Variants in DUOX2 observed in about 807,000 individuals in gnomAD.
The protein encoded by DUOX2 is dual oxidase 2.
DUOX2 carries 185 observed loss-of-function variants against 183.3 expected under a neutral mutation model. The observed-to-expected ratio is 1.01, with a 90% CI of 0.90 to 1.14. DUOX2 has a LOEUF of 1.14. Among genes scored for constraint, DUOX2 ranks in the 50% most tolerant of loss-of-function variants. The probability of loss-of-function intolerance (pLI) is 0.00; values close to 1 mark genes in which losing one functional copy is unlikely to be tolerated. For synonymous variants in DUOX2, 788 were observed against 812.4 expected (o/e 0.97, Z 0.51); for missense variants, 1,999 against 2,022.9 (o/e 0.99, Z 0.23).
At chr15:45,106,734 T>C (rs2141151831) in intron 15 of DUOX2, 93 bp from the exon 16 acceptor site, 1 of 1,609,552 alleles carries the variant, frequency 6.2e-7, no homozygotes, top group East Asian at 2.2e-5. Context: ...CAGAGGTTCC[T>C]TGAGCCTGGT....
In DUOX2 at chr15:45,108,327, G is replaced by C. The variant is rs558199506; in HGVS notation, c.1399-105C>G. ...GAACCTCAGCCGCTGCCTGGCTGCTGCTCAGGCCTGATTTCCTCTTCTTAG... is the reference window on the plus strand; with the variant it reads ...GAACCTCAGCCGCTGCCTGGCTGCTCCTCAGGCCTGATTTCCTCTTCTTAG... On this transcript the variant is annotated intron_variant, in intron 12 of 33. Coordinates refer to ENST00000389039, the MANE Select transcript of DUOX2 (RefSeq NM_001363711.2). The C allele has an allele frequency of 1.8e-5, 24 of 1,350,140 alleles. No homozygotes were observed. The African/African-American group carries it at 2.6e-4, about 14-fold the overall frequency. The allele number at this position is 1,350,140 out of a possible 1,614,324, so 83.6% of individuals were successfully genotyped here.
chr15:45,099,562 G>T, intron 25 of DUOX2, 80 bp from the exon 26 acceptor site: 1 of 1,580,330 alleles, frequency 6.3e-7, no homozygotes, highest in Non-Finnish European at 8.7e-7. Context: ...GAGGCATAGG[G>T]AGGAGAGATG....
intron 13 of DUOX2, among the ~76,000 whole-genome samples, 174 bp downstream of exon 13, chr15:45,107,871 AAG>A (rs1894264842): frequency 9.4e-5 from 1 of 10,644 alleles, no homozygotes; most frequent in African/African-American, 2.8e-4. Flanking sequence ...AAAAAAAAAA[AAG>A]AAAAAGAAAA....
chr15:45,112,704 G>C lies in DUOX2; in HGVS notation c.175C>G (p.Arg59Gly), dbSNP rs774578957. Residue 59 changes from arginine to glycine, a missense_variant, in exon 4 of 34, where the codon CGC becomes GGC. Arg to Gly is a moderately radical substitution (Grantham distance 125). Around this residue, in one of 3 missense-constraint regions of DUOX2, gnomAD observed 356 missense variants for 356.4 expected, o/e 1.00. Transcript: ENST00000389039. ...TCGGCGTAATTGGCTGGTACGCGGC[G>C]CTGCAACCGGCAGCCTGCGGAGGCA... ...ERGAVGCRLQ[R>G]RVPANYADGV... 34 of 1,611,682 alleles carry C rather than the reference G, an allele frequency of 2.1e-5. No individual in the cohort carries two copies. Among genetic ancestry groups the C allele is most frequent in the Non-Finnish European group, 2.8e-5 (33 of 1,179,882 alleles).
At chr15:45,101,103 A>G in intron 22 of DUOX2, 102 bp downstream of exon 22, 1 of 1,096,284 alleles carries the variant, frequency 9.1e-7, no homozygotes, top group Non-Finnish European at 1.4e-6. Context: ...TCAAAGGGCA[A>G]ATGCCTGATT....
In DUOX2 at chr15:45,104,274, G is replaced by T. The variant is rs763957492; in HGVS notation, c.2426C>A (p.Ala809Asp). The T allele has an allele frequency of 1.2e-5, 20 of 1,614,096 alleles. No individual in the cohort carries two copies. The highest frequency in any genetic ancestry group is 1.5e-5 in the Non-Finnish European group (18 of 1,180,000). Residue 809 changes from alanine (A) to aspartate (D), a missense_variant, in exon 19 of 34, where the codon GCC (alanine) becomes GAC (aspartate). Ala to Asp is a moderately radical substitution (Grantham distance 126). This residue lies in a region of DUOX2 where 1,628 missense variants were observed against 1,608.6 expected (regional missense o/e 1.01). Transcript: ENST00000389039. ...GAGGCCCAGGGACTCGGCAAACTCG[G>T]CCCTGCTCAGCTCGCAGGTCAGGGC... ...REALTCELSR[A>D]EFAESLGLKP...
In DUOX2 at chr15:45,099,742, G is replaced by A; in HGVS notation, c.3335C>T (p.Thr1112Ile). Reference sequence around the variant, plus strand: ...AAAAGGCACATAGCGGTTGAGGAAAGTCTCTCGCAGGAAGGTTATGAGGTT... The same window carrying A: ...AAAAGGCACATAGCGGTTGAGGAAAATCTCTCGCAGGAAGGTTATGAGGTT... ...CRNLITFLRE[T>I]FLNRYVPFDA... Residue 1112 changes from threonine to isoleucine, a missense_variant, in exon 25 of 34, where the codon ACT becomes ATT. Thr to Ile is a moderately conservative substitution (Grantham distance 89). This residue lies in a region of DUOX2 where 1,628 missense variants were observed against 1,608.6 expected (regional missense o/e 1.01). Transcript: ENST00000389039. The A allele has an allele frequency of 1.2e-6, 2 of 1,614,222 alleles. No individual in the cohort carries two copies. Among genetic ancestry groups the A allele is most frequent in the Non-Finnish European group, 1.7e-6 (2 of 1,180,042 alleles).
At position 45,109,934 on chromosome 15, in the gene DUOX2, T is replaced by C. The variant is rs1311288291; in HGVS notation, c.1087A>G (p.Ser363Gly). ...FRKVLNKGFQ[S>G]SQALRVCNNY... The stretch of plus-strand genomic sequence containing the variant: ...TTGCAGACCCTGAGAGCTTGGGAGC[T>C]TTGAAAACCCTTGTTCAGGACCTTC... Residue 363 changes from serine to glycine, a missense_variant, in exon 10 of 34, where the codon AGC (serine) becomes GGC (glycine). By Grantham distance (56) the Ser-to-Gly change is moderately conservative. Transcript: ENST00000389039. 1.9e-6 allele frequency: 3 copies of C among 1,614,112 alleles called. No homozygotes were observed. Among genetic ancestry groups the C allele is most frequent in the East Asian group, 2.2e-5 (1 of 44,886 alleles).
Position 45,106,108 on chromosome 15 carries a change from G to A in DUOX2, c.2148+17C>T, listed in dbSNP as rs752810786. On this transcript the variant is annotated intron_variant, in intron 17 of 33. Coordinates refer to ENST00000389039, the MANE Select transcript of DUOX2 (RefSeq NM_001363711.2). Reference sequence around the variant, plus strand: ...GTGTGAGGGCAGCCCAGGCTGGGGAGGCAGGACGAGCCATACCAGGTCATA... The same window carrying A: ...GTGTGAGGGCAGCCCAGGCTGGGGAAGCAGGACGAGCCATACCAGGTCATA... 6.8e-6 allele frequency: 11 copies of A among 1,613,850 alleles called. No individual in the cohort carries two copies. Among genetic ancestry groups the A allele is most frequent in the Admixed American group, 1.7e-5 (1 of 59,990 alleles).
chr15:45,112,855 C>A (rs969951596), intron 3 of DUOX2, 132 bp downstream of exon 3: 4 of 1,542,764 alleles, frequency 2.6e-6, no homozygotes, highest in East Asian at 2.3e-5. Context: ...GCCCCGGGAG[C>A]GCATAAGATT....
At chr15:45,105,289 T>G (rs1894181963) in intron 18 of DUOX2, among the ~76,000 whole-genome samples, 2 of 152,194 alleles carry the variant, frequency 1.3e-5, no homozygotes, top group African/African-American at 4.8e-5. Flanking sequence ...TCTAACTGGG[T>G]AGGTGCATTT....
chr15:45,100,188 G>A lies in DUOX2; in HGVS notation c.3046C>T (p.Gln1016Ter). The A allele has an allele frequency of 6.2e-7, 1 of 1,614,082 alleles. No homozygotes were observed. The highest frequency in any genetic ancestry group is 8.5e-7 in the Non-Finnish European group (1 of 1,180,018). ...PTPRLYTEAL[Q>*]EKMQRGFLAQ... Reference sequence around the variant, plus strand: ...AGGAAGCCTCGCTGCATCTTCTCTTGCAGCGCCTCTGTGTACAGCCGGGGA... The same window carrying A: ...AGGAAGCCTCGCTGCATCTTCTCTTACAGCGCCTCTGTGTACAGCCGGGGA... Residue 1016 changes from glutamine to a stop codon, truncating the protein, a stop_gained, in exon 24 of 34, where the codon CAA becomes TAA. Coordinates refer to ENST00000389039, the MANE Select transcript of DUOX2 (RefSeq NM_001363711.2). LOFTEE classifies it high-confidence loss of function.
chr15:45,096,160 G>T, intron 29 of DUOX2, 100 bp from the exon 30 acceptor site: 1 of 1,043,242 alleles, frequency 9.6e-7, no homozygotes, highest in Non-Finnish European at 1.5e-6. Flanking sequence ...GAGGCCTGGG[G>T]AGTAGTCACA....
Position 45,095,995 on chromosome 15 carries a change from T to G in DUOX2, c.3913A>C (p.Ile1305Leu), listed in dbSNP as rs1893891260. Residue 1305 changes from isoleucine to leucine, a missense_variant, in exon 30 of 34, where the codon ATC (isoleucine) becomes CTC (leucine). By Grantham distance (5) the Ile-to-Leu change is conservative (BLOSUM62 2). Transcript: ENST00000389039. Reference sequence around the variant, plus strand: ...GTGGTCCCCAGAGCCAGGCAGGCGATCCGCACCCACTGTCCTGACTTGTAC... The same window carrying G: ...GTGGTCCCCAGAGCCAGGCAGGCGAGCCGCACCCACTGTCCTGACTTGTAC... ...FEYKSGQWVR[I>L]ACLALGTTEY... 1 of 1,613,854 alleles carries G rather than the reference T, an allele frequency of 6.2e-7. No homozygotes were observed. The highest frequency in any genetic ancestry group is 8.5e-7 in the Non-Finnish European group (1 of 1,179,994).
chr15:45,094,369 G>T, intron 33 of DUOX2, 97 bp from the exon 34 acceptor site: 1 of 1,587,576 alleles, frequency 6.3e-7, no homozygotes, highest in Admixed American at 1.8e-5. Context: ...AATGACTAAG[G>T]CTTCAAGCCC....
chr15:45,094,326 C>T, intron 33 of DUOX2, 54 bp from the exon 34 acceptor site: 1 of 1,612,890 alleles, frequency 6.2e-7, no homozygotes, highest in South Asian at 1.1e-5. Flanking sequence ...TGCTCACTCT[C>T]CTTGGGAAAA....
intron 1 of DUOX2, among the ~76,000 whole-genome samples, 154 bp downstream of exon 1, chr15:45,113,819 G>A (rs1894523424): frequency 6.6e-6 from 1 of 152,184 alleles, no homozygotes; most frequent in South Asian, 2.1e-4. Context: ...TCCTCCAGGA[G>A]GCAGGGAAGG....
intron 7 of DUOX2, 31 bp from the exon 8 acceptor site, chr15:45,110,741 C>A (rs746727260): frequency 1.6e-4 from 253 of 1,611,728 alleles, no homozygotes; most frequent in Non-Finnish European, 2.0e-4. Flanking sequence ...AGGGGAGGCA[C>A]AAGTTGGATG....
Position 45,093,910 on chromosome 15 carries a change from C to G in DUOX2, c.*240G>C. On this transcript the variant is annotated 3_prime_UTR_variant, in exon 34 of 34. Transcript: ENST00000389039. ...GTCTGGAGGGCTGCAGGAATGGTGC[C>G]GTTGATAAACAGGTGGACTTATAAT... 1.9e-6 allele frequency: 1 copy of G among 528,398 alleles called. No individual in the cohort carries two copies. The highest frequency in any genetic ancestry group is 3.4e-6 in the Non-Finnish European group (1 of 295,122). The allele number at this position is 528,398 out of a possible 1,614,324, so 32.7% of individuals were successfully genotyped here. A position where few individuals can be genotyped will look rare whatever the true frequency, so the allele number is the denominator to read the frequency against.
Sources: gnomAD v4.1 joint callset for allele counts (sites outside exome capture counted in the v4.1 genomes callset) on GRCh38, gnomAD v4.1.1 for gene constraint, gnomAD v4.1.1 regional missense constraint, MANE v1.5 for transcripts, NCBI Gene and HGNC (gene_info 2026-07-23, HGNC 2026-07-21) for gene names.